Variants in FARP1 observed in about 807,000 individuals in gnomAD.
FARP1 encodes FERM, ARHGEF and pleckstrin domain-containing protein 1.
In FARP1, 52 loss-of-function variants were observed where a neutral mutation model predicts 128.8. That is an observed-to-expected ratio of 0.40 (90% CI 0.32 to 0.51). The LOEUF (loss-of-function observed/expected upper bound fraction) is 0.51. Among genes scored for constraint, FARP1 ranks in the 20% least tolerant of loss-of-function variants. FARP1 has a pLI of 0.45. For synonymous variants in FARP1, 580 were observed against 551.8 expected (o/e 1.05, Z -0.72); for missense variants, 1,333 against 1,367.9 (o/e 0.97, Z 0.40).
At chr13:98,390,436 G>A (rs1890263429) in intron 10 of FARP1, 1 of 430,038 alleles carries the variant, frequency 2.3e-6, no homozygotes, top group Non-Finnish European at 4.1e-6. Context: ...GATGTTATTG[G>A]TGAACTTTTC....
rs71111943 is a variant in FARP1 at position 98,313,242 on chromosome 13, T to TACACACACACACAC, written c.172-30501_172-30488dup. ...CACTCTGGAATCGGGTGGGTCATAATACACACACACACACACACACACACA... is the reference window on the plus strand; with the variant it reads ...CACTCTGGAATCGGGTGGGTCATAATACACACACACACACACACACACACACACACACACACACA... On this transcript the variant is annotated intron_variant, in intron 2 of 26. Transcript: ENST00000319562. Among the ~76,000 whole-genome samples the TACACACACACACAC allele has an allele frequency of 1.9e-3, 231 of 120,018 alleles. 2 individuals carry two copies. The highest frequency in any genetic ancestry group is 4.6e-3 in the African/African-American group (144 of 30,980). The allele number at this position is 120,018 out of a possible 152,430, so 78.7% of individuals were successfully genotyped here.
Position 98,251,354 on chromosome 13 carries a change from A to G in FARP1, c.171+37941A>G, listed in dbSNP as rs1410707318. ...TGCACTCTCAGGATGGTTTTATGCA[A>G]GAGATATAGACGACTTTATTTGCTT... On this transcript the variant is annotated intron_variant, in intron 2 of 26. Coordinates refer to ENST00000319562, the MANE Select transcript of FARP1 (RefSeq NM_005766.4). Among the ~76,000 whole-genome samples, 6 of 152,286 alleles carry G rather than the reference A, an allele frequency of 3.9e-5. No homozygotes were observed. The South Asian group carries it at 6.2e-4, about 16-fold the overall frequency.
chr13:98,285,599 T>C (rs1371595591), intron 2 of FARP1, among the ~76,000 whole-genome samples: 2 of 152,138 alleles, frequency 1.3e-5, no homozygotes, highest in African/African-American at 4.8e-5. Flanking sequence ...AGAATCATCA[T>C]CAGCCCTTTT....
intron 13 of FARP1, chr13:98,397,899 T>C (rs1370517324): frequency 3.5e-5 from 1 of 28,630 alleles, no homozygotes; most frequent in Non-Finnish European, 6.1e-5. Flanking sequence ...CTTTTTTTTT[T>C]GAAAAAAAAA....
At chr13:98,180,526 A>T (rs917134795) in intron 1 of FARP1, among the ~76,000 whole-genome samples, 6 of 152,084 alleles carry the variant, frequency 3.9e-5, no homozygotes, top group African/African-American at 1.4e-4. Flanking sequence ...GTTTCCAGTG[A>T]TACTTGATTC....
intron 4 of FARP1, among the ~76,000 whole-genome samples, chr13:98,366,211 T>C (rs1889076533): frequency 1.3e-5 from 2 of 152,170 alleles, no homozygotes; most frequent in South Asian, 4.1e-4. Context: ...TATGGGATCA[T>C]TTGTATGTCT....
rs1891213026 is a variant in FARP1 at position 98,412,053 on chromosome 13, C to G, written c.1826+19C>G. 2 of 1,609,172 alleles carry G rather than the reference C, an allele frequency of 1.2e-6. No individual in the cohort carries two copies. The highest frequency in any genetic ancestry group is 2.2e-5 in the East Asian group (1 of 44,666). ...CCCTGTGGTGAGTACATTTCTACTTCCCAGCTACGTTCCTCCCTCCGTCTT... is the reference window on the plus strand; with the variant it reads ...CCCTGTGGTGAGTACATTTCTACTTGCCAGCTACGTTCCTCCCTCCGTCTT... On this transcript the variant is annotated intron_variant, in intron 16 of 26. Coordinates refer to ENST00000319562, the MANE Select transcript of FARP1 (RefSeq NM_005766.4).
At chr13:98,422,731 G>C (rs1391550183) in intron 16 of FARP1, among the ~76,000 whole-genome samples, 1 of 152,032 alleles carries the variant, frequency 6.6e-6, no homozygotes, top group Non-Finnish European at 1.5e-5. Context: ...CATCCTCCTT[G>C]CCCTCTTCTG....
At chr13:98,255,370 A>G (rs1011945999) in intron 2 of FARP1, among the ~76,000 whole-genome samples, 5 of 152,090 alleles carry the variant, frequency 3.3e-5, no homozygotes, top group East Asian at 1.9e-4. Context: ...GCATGGTGGC[A>G]GGCGCCTGTA....
At chr13:98,259,025 T>C (rs1167018770) in intron 2 of FARP1, among the ~76,000 whole-genome samples, 2 of 151,998 alleles carry the variant, frequency 1.3e-5, no homozygotes. Context: ...CTGGGCAACA[T>C]AGTGAGACCC....
chr13:98,271,124 G>A (rs9517239), intron 2 of FARP1, among the ~76,000 whole-genome samples: 35,885 of 152,136 alleles, frequency 0.24, 4,730 homozygotes, highest in South Asian at 0.45. Context: ...ATTATTCAAG[G>A]AAATGAAAGA....
intron 1 of FARP1, among the ~76,000 whole-genome samples, chr13:98,161,989 C>T (rs1876920414): frequency 6.6e-6 from 1 of 151,902 alleles, no homozygotes; most frequent in Admixed American, 6.6e-5. Flanking sequence ...TGCTATCTTC[C>T]CCAGGCTGGT....
chr13:98,343,531 G>A (rs576703931), intron 2 of FARP1, among the ~76,000 whole-genome samples: 8 of 152,318 alleles, frequency 5.3e-5, no homozygotes, highest in East Asian at 3.9e-4. Context: ...GATGCCTGGC[G>A]TTGGAGTGGG....
chr13:98,171,521 C>G (rs1877651312), intron 1 of FARP1, among the ~76,000 whole-genome samples: 1 of 152,156 alleles, frequency 6.6e-6, no homozygotes, highest in Non-Finnish European at 1.5e-5. Context: ...GTTCCTGCTG[C>G]TATAGTCCTC....
At chr13:98,354,876 C>G (rs1888577444) in intron 3 of FARP1, among the ~76,000 whole-genome samples, 1 of 152,134 alleles carries the variant, frequency 6.6e-6, no homozygotes, top group Non-Finnish European at 1.5e-5. Flanking sequence ...GTAATAAGCA[C>G]TTGAAACATA....
At chr13:98,353,902 A>G (rs555860089) in intron 3 of FARP1, among the ~76,000 whole-genome samples, 17 of 152,356 alleles carry the variant, frequency 1.1e-4, no homozygotes, top group Non-Finnish European at 2.2e-4. Flanking sequence ...CATAACACCC[A>G]TGTGAAATCT....
intron 2 of FARP1, among the ~76,000 whole-genome samples, chr13:98,238,078 A>C (rs571808378): frequency 3.3e-5 from 5 of 152,328 alleles, no homozygotes; most frequent in Admixed American, 6.5e-5. Flanking sequence ...CAGCAAAAGC[A>C]TGGTTTGATA....
intron 1 of FARP1, among the ~76,000 whole-genome samples, chr13:98,180,296 C>T (rs1305351872): frequency 2.0e-5 from 3 of 151,904 alleles, no homozygotes; most frequent in Admixed American, 6.6e-5. Flanking sequence ...GGAGGGGCCA[C>T]GTACTTCTAA....
chr13:98,441,450 CAG>C (rs1166706931), intron 24 of FARP1, among the ~76,000 whole-genome samples: 6 of 152,250 alleles, frequency 3.9e-5, no homozygotes, highest in African/African-American at 1.2e-4. Context: ...CCGTGAAGAA[CAG>C]GGCGCCGTGG....
Sources: gnomAD v4.1 joint callset for allele counts (sites outside exome capture counted in the v4.1 genomes callset) on GRCh38, gnomAD v4.1.1 for gene constraint, MANE v1.5 for transcripts, NCBI Gene and HGNC (gene_info 2026-07-23, HGNC 2026-07-21) for gene names.